The following KCNG3 variants were observed in gnomAD, a reference collection of about 807,000 sequenced individuals.
KCNG3 encodes voltage-gated potassium channel regulatory subunit KCNG3.
Under a neutral mutation model 29.0 loss-of-function variants are expected in KCNG3, and 15 were observed. That is an observed-to-expected ratio of 0.52 (90% confidence interval 0.35 to 0.80). The LOEUF (loss-of-function observed/expected upper bound fraction) is 0.80. Among genes scored for constraint, KCNG3 ranks in the 30% least tolerant of loss-of-function variants. The pLI is 0.01. For synonymous variants in KCNG3, 322 were observed against 248.9 expected (o/e 1.29, Z -2.76); for missense variants, 512 against 605.7 (o/e 0.85, Z 1.62).
intron 1 of KCNG3, among the ~76,000 whole-genome samples, chr2:42,461,182 C>CAAAAAAAAAAA (rs34199989): frequency 1.7e-3 from 94 of 56,372 alleles, no homozygotes; most frequent in African/African-American, 2.2e-3. Flanking sequence ...CAAAACAAAA[C>CAAAAAAAAAAA]AAAAAAAAAA....
intron 1 of KCNG3, among the ~76,000 whole-genome samples, chr2:42,452,390 T>TA (rs1477127153): frequency 6.6e-6 from 1 of 151,886 alleles, no homozygotes. Flanking sequence ...CTTTTTTAGT[T>TA]ACTTTAAAAT....
At chr2:42,466,525 C>CTA (rs1275377474) in intron 1 of KCNG3, among the ~76,000 whole-genome samples, 1 of 152,164 alleles carries the variant, frequency 6.6e-6, no homozygotes, top group Non-Finnish European at 1.5e-5. Flanking sequence ...GAGCAATAGG[C>CTA]TATACTATAC....
the KCNG3 span, among the ~76,000 whole-genome samples, chr2:42,407,581 A>G: frequency 6.6e-6 from 1 of 152,138 alleles, no homozygotes; most frequent in Non-Finnish European, 1.5e-5. Flanking sequence ...AGCCACAGCC[A>G]TCCAAGTCAT....
the KCNG3 span, among the ~76,000 whole-genome samples, chr2:42,395,406 TAAG>T: frequency 2.0e-5 from 3 of 152,258 alleles, no homozygotes; most frequent in East Asian, 3.9e-4. Flanking sequence ...AAAGGCTGTT[TAAG>T]AAGGAGTTGG....
At chr2:42,474,872 A>G (rs1303820967) in intron 1 of KCNG3, among the ~76,000 whole-genome samples, 1 of 152,106 alleles carries the variant, frequency 6.6e-6, no homozygotes, top group Non-Finnish European at 1.5e-5. Context: ...CTTTGAAAGC[A>G]ATAGGTTTGG....
Position 42,443,735 on chromosome 2 carries a change from T to C in KCNG3, c.*199A>G, listed in dbSNP as rs1432673064. On this transcript the variant is annotated 3_prime_UTR_variant, in exon 2 of 2. Coordinates refer to ENST00000306078, the MANE Select transcript of KCNG3 (RefSeq NM_133329.6). ...GTCCTAAAGTTTACTCTAGGAGTCA[T>C]TATTCTTCCTTTGCAGTCTCAATTC... 1 of 513,154 alleles carries C rather than the reference T, an allele frequency of 1.9e-6. No homozygotes were observed. The highest frequency in any genetic ancestry group is 3.7e-5 in the Admixed American group (1 of 27,322). The allele number at this position is 513,154 out of a possible 1,614,324, so 31.8% of individuals were successfully genotyped here.
rs1247595158 is a variant in KCNG3 at position 42,477,418 on chromosome 2, C to CAG, written c.665+15418_665+15419insCT. On this transcript the variant is annotated intron_variant, in intron 1 of 1. Transcript: ENST00000306078. ...ACACACACACACACACACACACACACACACATATATTTTTTTTTTTTTTTT... is the reference window on the plus strand; with the variant it reads ...ACACACACACACACACACACACACACAGACACATATATTTTTTTTTTTTTTTT... Among the ~76,000 whole-genome samples the CAG allele has an allele frequency of 8.3e-3, 407 of 49,314 alleles. 2 individuals carry two copies. The highest frequency in any genetic ancestry group is 0.018 in the African/African-American group (362 of 20,230). 32.4% of individuals were successfully genotyped at this position (49,314 alleles called of 152,430 possible). A position where few individuals can be genotyped will look rare whatever the true frequency, so the allele number is the denominator to read the frequency against.
the KCNG3 span, among the ~76,000 whole-genome samples, chr2:42,396,162 T>C: frequency 6.6e-6 from 1 of 152,200 alleles, no homozygotes; most frequent in East Asian, 1.9e-4. Context: ...GTGACATGGG[T>C]ACTCCAAGTA....
the KCNG3 span, among the ~76,000 whole-genome samples, chr2:42,398,422 G>C: frequency 1.1e-3 from 162 of 152,138 alleles, 1 homozygote; most frequent in African/African-American, 3.9e-3. Context: ...AGATGACAGT[G>C]TCCCAGGAAG....
chr2:42,483,818 G>T (rs963416798), intron 1 of KCNG3, among the ~76,000 whole-genome samples: 7 of 152,074 alleles, frequency 4.6e-5, no homozygotes, highest in African/African-American at 2.4e-5. Flanking sequence ...TCGAGACAGG[G>T]TCTTGCTCTG....
the KCNG3 span, among the ~76,000 whole-genome samples, chr2:42,393,907 A>G: frequency 6.6e-6 from 1 of 151,780 alleles, no homozygotes; most frequent in Non-Finnish European, 1.5e-5. Context: ...CAGCCTCCCA[A>G]GTAGCTGAGA....
At chr2:42,390,384 G>A in the KCNG3 span, among the ~76,000 whole-genome samples, 3 of 152,160 alleles carry the variant, frequency 2.0e-5, no homozygotes, top group African/African-American at 7.2e-5. Flanking sequence ...GATCTATTCT[G>A]AGCCATCCTG....
the KCNG3 span, among the ~76,000 whole-genome samples, chr2:42,399,109 T>C: frequency 6.9e-6 from 1 of 145,110 alleles, no homozygotes; most frequent in South Asian, 2.2e-4. Flanking sequence ...CAGGCTGGAG[T>C]GCAGTGACTG....
rs563734843 is a variant in KCNG3, at chr2:42,455,482, TGGCCCCAATA to T, written c.666-10913_666-10904del. Among the ~76,000 whole-genome samples the T allele has an allele frequency of 2.9e-3, 439 of 152,336 alleles. 2 individuals are homozygous for T. Among genetic ancestry groups the T allele is most frequent in the African/African-American group, 9.0e-3 (375 of 41,574 alleles). On this transcript the variant is annotated intron_variant, in intron 1 of 1. Coordinates refer to ENST00000306078, the MANE Select transcript of KCNG3 (RefSeq NM_133329.6). ...AATTAATATAAAAAACAGCTGTGGC[TGGCCCCAATA>T]GTTCATGTCTGTAATCCCAACACTT... is the stretch of plus-strand genomic sequence containing the variant.
At chr2:42,409,772 C>CT in the KCNG3 span, among the ~76,000 whole-genome samples, 3 of 150,860 alleles carry the variant, frequency 2.0e-5, no homozygotes, top group South Asian at 2.1e-4. Context: ...CGCTCCCACC[C>CT]TGTCTCCTTA....
At position 42,443,738 on chromosome 2, in the gene KCNG3, T is replaced by C. The variant is rs891554453; in HGVS notation, c.*196A>G. 3.9e-6 allele frequency: 2 copies of C among 517,360 alleles called. No homozygotes were observed. The highest frequency in any genetic ancestry group is 6.7e-6 in the Non-Finnish European group (2 of 299,138). The allele number at this position is 517,360 out of a possible 1,614,324, so 32.0% of individuals were successfully genotyped here. ...CTAAAGTTTACTCTAGGAGTCATTA[T>C]TCTTCCTTTGCAGTCTCAATTCTAT... On this transcript the variant is annotated 3_prime_UTR_variant, in exon 2 of 2. Transcript: ENST00000306078.
At position 42,452,243 on chromosome 2, in the gene KCNG3, A is replaced by ATATATATATATATTTT; in HGVS notation, c.666-7665_666-7664insAAAATATATATATATA. 7.8e-3 allele frequency among the ~76,000 whole-genome samples: 739 copies of ATATATATATATATTTT among 94,906 alleles called. 6 individuals are homozygous for ATATATATATATATTTT. Among genetic ancestry groups the ATATATATATATATTTT allele is most frequent in the Non-Finnish European group, 0.012 (559 of 46,916 alleles). The allele number at this position is 94,906 out of a possible 152,430, so 62.3% of individuals were successfully genotyped here. The stretch of plus-strand genomic sequence containing the variant: ...TAAATATATATATATATATATATAT[A>ATATATATATATATTTT]TTTTTTTTTTTTTTTTAAAGGAAAC... On this transcript the variant is annotated intron_variant, in intron 1 of 1. Coordinates refer to ENST00000306078, the MANE Select transcript of KCNG3 (RefSeq NM_133329.6).
intron 1 of KCNG3, among the ~76,000 whole-genome samples, chr2:42,485,393 A>G (rs1051181262): frequency 6.6e-6 from 1 of 152,174 alleles, no homozygotes; most frequent in African/African-American, 2.4e-5. Flanking sequence ...AGGGGACACT[A>G]CTTTATGTCT....
chr2:42,471,184 G>GTGTATATA (rs962557511), intron 1 of KCNG3, among the ~76,000 whole-genome samples: 11 of 147,958 alleles, frequency 7.4e-5, no homozygotes, highest in African/African-American at 2.8e-4. Flanking sequence ...GTGTGTGTGT[G>GTGTATATA]TATATATATA....
Sources: allele counts gnomAD v4.1 joint callset (sites outside exome capture counted in the v4.1 genomes callset), GRCh38; gene constraint gnomAD v4.1.1; transcripts MANE v1.5; gene names NCBI Gene and HGNC (gene_info 2026-07-23, HGNC 2026-07-21).